PLEKHM3: variants seen among roughly 807,000 people sequenced by gnomAD.
The protein encoded by PLEKHM3 is pleckstrin homology domain-containing family M member 3.
A neutral mutation model predicts 81.8 loss-of-function variants in PLEKHM3; 45 were observed. The observed-to-expected ratio is 0.55, with a 90% CI of 0.43 to 0.71. The LOEUF is 0.71. Ranked by LOEUF, PLEKHM3 falls within the 30% of genes least tolerant of loss-of-function variation. The pLI, the probability that PLEKHM3 is intolerant of heterozygous loss-of-function variation, is 0.00. For missense variants in PLEKHM3, 788 were observed against 924.3 expected, an observed-to-expected ratio of 0.85 and a Z score of 1.91; for synonymous variants, 352 against 356.4, an observed-to-expected ratio of 0.99 and a Z score of 0.14.
chr2:207,832,496 T>TA (rs1559199225), intron 7 of PLEKHM3, among the ~76,000 whole-genome samples: 1 of 152,166 alleles, frequency 6.6e-6, no homozygotes, highest in Non-Finnish European at 1.5e-5. Context: ...TTTTTCACTT[T>TA]AAAAAAATTC....
chr2:207,899,147 T>G (rs1688338089), intron 6 of PLEKHM3, among the ~76,000 whole-genome samples: 1 of 152,214 alleles, frequency 6.6e-6, no homozygotes, highest in Admixed American at 6.5e-5. Flanking sequence ...CATGTGGCAA[T>G]GCTGTCTTCT....
intron 2 of PLEKHM3, among the ~76,000 whole-genome samples, chr2:207,978,034 C>A (rs1157652352): frequency 1.3e-5 from 2 of 152,138 alleles, no homozygotes; most frequent in African/African-American, 2.4e-5. Context: ...TGCAGTGAGC[C>A]ATAATCATGC....
At chr2:207,835,956 T>C in intron 7 of PLEKHM3, among the ~76,000 whole-genome samples, 1 of 152,192 alleles carries the variant, frequency 6.6e-6, no homozygotes, top group Non-Finnish European at 1.5e-5. Flanking sequence ...GTTTTAACTG[T>C]TGGGACAGCT....
intron 7 of PLEKHM3, among the ~76,000 whole-genome samples, chr2:207,840,202 T>C (rs555345779): frequency 6.6e-6 from 1 of 152,278 alleles, no homozygotes; most frequent in East Asian, 1.9e-4. Flanking sequence ...TTGTTTTTTG[T>C]TTTAGAGACA....
chr2:208,000,814 T>G (rs1280341743), intron 2 of PLEKHM3, among the ~76,000 whole-genome samples: 3 of 152,100 alleles, frequency 2.0e-5, no homozygotes. Flanking sequence ...ATAATAAGAC[T>G]GTAAAGTACA....
intron 1 of PLEKHM3, among the ~76,000 whole-genome samples, chr2:208,020,331 C>G (rs376797990): frequency 2.6e-5 from 4 of 152,142 alleles, no homozygotes; most frequent in Non-Finnish European, 4.4e-5. Flanking sequence ...AATGAGTGTA[C>G]GAAAACAAAC....
In PLEKHM3 at chr2:207,843,674, T is replaced by C. The variant is rs1229515577; in HGVS notation, c.2109-15178A>G. ...TCTTCTGCTACCAAGGGAAATTTGC[T>C]TGTCTCTTTGCAATCTAGAATTTGA... On this transcript the variant is annotated intron_variant, in intron 7 of 7. Transcript: ENST00000427836. This position sits in a 1 kb window ranked among gnomAD's most constrained non-coding sequence, Gnocchi z 4.4. Among the ~76,000 whole-genome samples, 1 of 152,226 alleles carries C rather than the reference T, an allele frequency of 6.6e-6. No individual in the cohort carries two copies. The highest frequency in any genetic ancestry group is 1.5e-5 in the Non-Finnish European group (1 of 68,028).
At chr2:207,948,612 C>T (rs1360181148) in intron 3 of PLEKHM3, among the ~76,000 whole-genome samples, 2 of 147,052 alleles carry the variant, frequency 1.4e-5, no homozygotes, top group African/African-American at 2.5e-5. Context: ...GGCGCGATTT[C>T]GGCTCGCTGC....
intron 6 of PLEKHM3, among the ~76,000 whole-genome samples, chr2:207,885,424 C>T (rs1687857523): frequency 6.6e-6 from 1 of 152,228 alleles, no homozygotes; most frequent in Non-Finnish European, 1.5e-5. Flanking sequence ...GCAAATCTAT[C>T]AGCACCTCCA....
chr2:207,953,160 C>A (rs544751039), intron 3 of PLEKHM3, among the ~76,000 whole-genome samples: 189 of 106,122 alleles, frequency 1.8e-3, no homozygotes, highest in Admixed American at 2.8e-3. Flanking sequence ...ATTGCTAATG[C>A]GGATAGTATG....
At chr2:207,867,897 C>T (rs535691958) in intron 6 of PLEKHM3, among the ~76,000 whole-genome samples, 1 of 152,040 alleles carries the variant, frequency 6.6e-6, no homozygotes, top group Admixed American at 6.6e-5. Flanking sequence ...AATATTAGAC[C>T]AAAGCCAGAG....
chr2:207,930,108 CTTTAAGGAT>C (rs1468345428), intron 5 of PLEKHM3, among the ~76,000 whole-genome samples: 2 of 152,188 alleles, frequency 1.3e-5, no homozygotes, highest in African/African-American at 4.8e-5. Flanking sequence ...TTACTTTCAA[CTTTAAGGAT>C]CTGAGCCTGC....
intron 3 of PLEKHM3, among the ~76,000 whole-genome samples, chr2:207,973,561 A>G (rs1691197821): frequency 6.6e-6 from 1 of 152,288 alleles, no homozygotes; most frequent in South Asian, 2.1e-4. Context: ...CAACATGGAG[A>G]AACCCTCATC....
chr2:207,887,300 T>C (rs1687912756), intron 6 of PLEKHM3, among the ~76,000 whole-genome samples: 1 of 152,256 alleles, frequency 6.6e-6, no homozygotes, highest in Non-Finnish European at 1.5e-5. Flanking sequence ...TTCATTTTGC[T>C]CATGTTTCCT....
chr2:207,931,200 A>C (rs1178123426), intron 4 of PLEKHM3, 81 bp from the exon 5 acceptor site: 3 of 1,276,624 alleles, frequency 2.3e-6, no homozygotes, highest in Non-Finnish European at 3.2e-6. Context: ...CATAGCTGAA[A>C]TATCAAAGGA....
chr2:208,015,303 C>T (rs990628423), intron 1 of PLEKHM3, among the ~76,000 whole-genome samples: 1 of 152,140 alleles, frequency 6.6e-6, no homozygotes, highest in African/African-American at 2.4e-5. Context: ...ATTAATTACC[C>T]TGGGATAATA....
intron 3 of PLEKHM3, among the ~76,000 whole-genome samples, chr2:207,960,359 T>G (rs937268059): frequency 6.6e-6 from 1 of 152,140 alleles, no homozygotes; most frequent in African/African-American, 2.4e-5. Context: ...GAAGCAGGTT[T>G]CTGTCTGCTG....
chr2:207,986,004 AAT>A (rs1553563659), intron 2 of PLEKHM3, among the ~76,000 whole-genome samples: 1 of 151,460 alleles, frequency 6.6e-6, no homozygotes, highest in African/African-American at 2.4e-5. Context: ...AAAAAAAAAA[AAT>A]ACCATGTTCC....
At chr2:207,959,782 C>G (rs753840338) in intron 3 of PLEKHM3, among the ~76,000 whole-genome samples, 1 of 152,086 alleles carries the variant, frequency 6.6e-6, no homozygotes, top group Non-Finnish European at 1.5e-5. Flanking sequence ...AGAGTGGATC[C>G]GAGTAGTGCT....
Sources: gnomAD v4.1 joint callset for allele counts (sites outside exome capture counted in the v4.1 genomes callset) on GRCh38, gnomAD v4.1.1 for gene constraint, Gnocchi (gnomAD v3.1) non-coding constraint, MANE v1.5 for transcripts, NCBI Gene and HGNC (gene_info 2026-07-23, HGNC 2026-07-21) for gene names.